The following TOX variants were observed in gnomAD, a reference collection of about 807,000 sequenced individuals.
TOX encodes the protein thymocyte selection associated high mobility group box, also known as thymocyte selection-associated high mobility group box protein TOX.
A neutral mutation model predicts 53.7 loss-of-function variants in TOX; 11 were observed. The observed-to-expected ratio is 0.20, with a 90% confidence interval of 0.13 to 0.34. The LOEUF is 0.34. Among genes scored for constraint, TOX ranks in the 10% least tolerant of loss-of-function variants. The pLI is 1.00. For missense variants in TOX, 570 were observed against 664.6 expected (o/e 0.86, Z 1.56); for synonymous variants, 225 against 245.3 (o/e 0.92, Z 0.77).
At chr8:58,839,252 G>C (rs1810602595) in intron 4 of TOX, among the ~76,000 whole-genome samples, 1 of 152,192 alleles carries the variant, frequency 6.6e-6, no homozygotes, top group Non-Finnish European at 1.5e-5. Flanking sequence ...AAGCTAGTGA[G>C]CATTTGAAAT....
chr8:59,111,890 G>A (rs392450), intron 1 of TOX, among the ~76,000 whole-genome samples: 20,521 of 152,028 alleles, frequency 0.13, 1,651 homozygotes, highest in African/African-American at 0.22. Context: ...GGCTAAAGCA[G>A]AACCATTTAA....
chr8:58,808,538 T>A (rs1810025934), intron 7 of TOX, among the ~76,000 whole-genome samples: 3 of 152,158 alleles, frequency 2.0e-5, no homozygotes, highest in Non-Finnish European at 4.4e-5. Context: ...GAGAAACAAT[T>A]TCAAATATAG....
At chr8:58,830,126 A>G (rs1012536376) in intron 5 of TOX, among the ~76,000 whole-genome samples, 2 of 152,216 alleles carry the variant, frequency 1.3e-5, no homozygotes, top group African/African-American at 4.8e-5. Context: ...GAGTTACAAA[A>G]TGGCTTCCAA....
intron 3 of TOX, among the ~76,000 whole-genome samples, chr8:58,925,754 C>G (rs1049437863): frequency 6.6e-6 from 1 of 152,154 alleles, no homozygotes; most frequent in African/African-American, 2.4e-5. Context: ...ATAAAAAATA[C>G]CCCTGGTTTT....
At chr8:58,854,429 TC>T (rs33972175) in intron 3 of TOX, among the ~76,000 whole-genome samples, 17,768 of 152,054 alleles carry the variant, frequency 0.12, 1,137 homozygotes, top group Middle Eastern at 0.21. Flanking sequence ...CTTTCTCTCC[TC>T]CCCTGTCTTG....
At chr8:59,096,483 A>C (rs1804714036) in intron 1 of TOX, among the ~76,000 whole-genome samples, 1 of 152,240 alleles carries the variant, frequency 6.6e-6, no homozygotes, top group Admixed American at 6.5e-5. Flanking sequence ...AATAAAATCC[A>C]GATTGCCCTG....
intron 4 of TOX, among the ~76,000 whole-genome samples, chr8:58,849,687 C>CGGTA (rs1810777111): frequency 6.6e-6 from 1 of 152,134 alleles, no homozygotes; most frequent in Non-Finnish European, 1.5e-5. Context: ...TCAGAGGATG[C>CGGTA]TACTAATTTT....
chr8:59,059,744 T>C (rs773083384), intron 1 of TOX, among the ~76,000 whole-genome samples: 2 of 152,216 alleles, frequency 1.3e-5, no homozygotes, highest in East Asian at 1.9e-4. Flanking sequence ...ATTTCCCTTA[T>C]GTACAGAGTG....
chr8:59,094,244 G>A (rs1309212728), intron 1 of TOX, among the ~76,000 whole-genome samples: 1 of 152,222 alleles, frequency 6.6e-6, no homozygotes, highest in East Asian at 1.9e-4. Flanking sequence ...AACTAGAGGA[G>A]AAAGTAGGAA....
intron 1 of TOX, among the ~76,000 whole-genome samples, chr8:59,020,544 A>G (rs1814104810): frequency 6.6e-6 from 1 of 152,216 alleles, no homozygotes; most frequent in Non-Finnish European, 1.5e-5. Context: ...AGCTCCTGTC[A>G]AAGTCCTAAA....
At chr8:58,816,562 T>C (rs1160984714) in intron 6 of TOX, among the ~76,000 whole-genome samples, 1 of 152,104 alleles carries the variant, frequency 6.6e-6, no homozygotes, top group Non-Finnish European at 1.5e-5. Flanking sequence ...CTACATTTCC[T>C]GAGAGGAAGA....
chr8:59,042,700 T>A (rs1056361692), intron 1 of TOX, among the ~76,000 whole-genome samples: 4 of 152,220 alleles, frequency 2.6e-5, no homozygotes, highest in Non-Finnish European at 4.4e-5. Context: ...ATAAATGAAG[T>A]GTGACTCTAA....
Position 58,806,768 on chromosome 8 carries a change from T to C in TOX, c.*979A>G, listed in dbSNP as rs1175478993. Reference sequence around the variant, plus strand: ...AGTTAAAACATCAAAGAAACCTCTTTCAAATACTAACAAATTTACTTACAA... The same window carrying C: ...AGTTAAAACATCAAAGAAACCTCTTCCAAATACTAACAAATTTACTTACAA... On this transcript the variant is annotated 3_prime_UTR_variant, in exon 9 of 9. Coordinates refer to ENST00000361421, the MANE Select transcript of TOX (RefSeq NM_014729.3). 6.6e-6 allele frequency: 1 copy of C among 152,598 alleles called. No individual in the cohort carries two copies. The highest frequency in any genetic ancestry group is 2.4e-5 in the African/African-American group (1 of 41,434). The allele number at this position is 152,598 out of a possible 1,614,324, so 9.5% of individuals were successfully genotyped here.
intron 3 of TOX, among the ~76,000 whole-genome samples, chr8:58,926,973 A>G (rs994396859): frequency 2.0e-5 from 3 of 152,180 alleles, no homozygotes; most frequent in African/African-American, 7.2e-5. Context: ...AACTTTAGGT[A>G]CTAAAAATGC....
intron 3 of TOX, among the ~76,000 whole-genome samples, chr8:58,855,283 G>C (rs1810895498): frequency 6.6e-6 from 1 of 152,030 alleles, no homozygotes; most frequent in African/African-American, 2.4e-5. Flanking sequence ...GTACAATTCT[G>C]ACCCAAATTC....
chr8:59,086,932 G>C (rs939179403), intron 1 of TOX, among the ~76,000 whole-genome samples: 1 of 152,128 alleles, frequency 6.6e-6, no homozygotes, highest in Non-Finnish European at 1.5e-5. Context: ...TCTACTGATG[G>C]TAGGATGAAG....
intron 1 of TOX, among the ~76,000 whole-genome samples, chr8:59,041,098 G>GTGTC (rs1469298100): frequency 6.6e-6 from 1 of 151,854 alleles, no homozygotes; most frequent in Non-Finnish European, 1.5e-5. Flanking sequence ...GTGTGTGTGT[G>GTGTC]TGTGTGTGTG....
chr8:59,035,588 C>T (rs148373969), intron 1 of TOX, among the ~76,000 whole-genome samples: 47 of 152,334 alleles, frequency 3.1e-4, no homozygotes, highest in Middle Eastern at 3.4e-3. Context: ...CATTTCATTG[C>T]TAACATCTAA....
intron 2 of TOX, among the ~76,000 whole-genome samples, chr8:58,955,554 A>G (rs750015785): frequency 6.6e-6 from 1 of 152,030 alleles, no homozygotes; most frequent in Non-Finnish European, 1.5e-5. Flanking sequence ...ATGCCAGGAA[A>G]ATCTTCTCAT....
Sources: gnomAD v4.1 joint callset for allele counts (sites outside exome capture counted in the v4.1 genomes callset) on GRCh38, gnomAD v4.1.1 for gene constraint, MANE v1.5 for transcripts, NCBI Gene and HGNC (gene_info 2026-07-23, HGNC 2026-07-21) for gene names.